Variants in TMCO4 observed in about 807,000 individuals in gnomAD.
TMCO4 encodes transmembrane and coiled-coil domain-containing protein 4.
TMCO4 carries 58 observed loss-of-function variants against 64.7 expected under a neutral mutation model. The ratio of observed to expected loss-of-function variants is 0.90; its 90% CI spans 0.73 to 1.12. The LOEUF is 1.12. Ranked by LOEUF, TMCO4 falls within the 50% of genes most tolerant of loss-of-function variation. The probability of loss-of-function intolerance (pLI) is 0.00; values close to 1 mark genes in which losing one functional copy is unlikely to be tolerated. For synonymous variants in TMCO4, 325 were observed against 346.1 expected (o/e 0.94, Z 0.68); for missense variants, 780 against 825.9 (o/e 0.94, Z 0.68).
In TMCO4 at chr1:19,739,960, C is replaced by T. The variant is rs746269000; in HGVS notation, c.1043G>A (p.Gly348Asp). ...TGGCCAGGTCAGGGCAGCCACAATG[C>T]CTGGGGAGGTGAGATAGTGATGAAG... ...QEALKYTVLSGIVAALTWPAS... is the reference protein window; with the variant it reads ...QEALKYTVLSDIVAALTWPAS... The change falls in exon 12 of 16, where the codon GGC becomes GAC. Residue 348 changes from glycine (G) to aspartate (D), a missense_variant and splice_region_variant. Transcript: ENST00000294543. 6.2e-7 allele frequency: 1 copy of T among 1,611,870 alleles called. No homozygotes were observed. The highest frequency in any genetic ancestry group is 8.5e-7 in the Non-Finnish European group (1 of 1,179,046).
intron 2 of TMCO4, among the ~76,000 whole-genome samples, chr1:19,794,946 T>TA (rs1164288990): frequency 6.6e-6 from 1 of 151,976 alleles, no homozygotes; most frequent in East Asian, 1.9e-4. Context: ...GTCAAATTCA[T>TA]AGAGACAGAA....
intron 13 of TMCO4, among the ~76,000 whole-genome samples, chr1:19,718,114 C>T (rs2095364895): frequency 6.6e-6 from 1 of 151,996 alleles, no homozygotes. Flanking sequence ...AGGTGGATCA[C>T]CTGAGGTCAG....
In TMCO4 at chr1:19,709,014, A is replaced by G. The variant is rs537075365; in HGVS notation, c.1265-8129T>C. On this transcript the variant is annotated intron_variant, in intron 13 of 15. Coordinates refer to ENST00000294543, the MANE Select transcript of TMCO4 (RefSeq NM_181719.7). ...AACACAAATGAAATCCATTCCAAAG[A>G]TACACACGTGCACATGATAGACACG... Among the ~76,000 whole-genome samples the G allele has an allele frequency of 1.8e-4, 27 of 152,266 alleles. No individual in the cohort carries two copies. The East Asian group carries it at 5.2e-3, about 29-fold the overall frequency.
chr1:19,716,863 C>T (rs2095359209), intron 13 of TMCO4, among the ~76,000 whole-genome samples: 1 of 152,132 alleles, frequency 6.6e-6, no homozygotes, highest in Non-Finnish European at 1.5e-5. Context: ...GCTGGAGCCG[C>T]CAGCCTCAAG....
intron 13 of TMCO4, among the ~76,000 whole-genome samples, chr1:19,704,895 C>A (rs1208091286): frequency 6.6e-6 from 1 of 152,222 alleles, no homozygotes; most frequent in Non-Finnish European, 1.5e-5. Flanking sequence ...ATTTACCCAT[C>A]TCTGAAGCTG....
intron 1 of TMCO4, among the ~76,000 whole-genome samples, chr1:19,798,906 G>A (rs1232216068): frequency 6.6e-6 from 1 of 152,248 alleles, no homozygotes; most frequent in Non-Finnish European, 1.5e-5. Flanking sequence ...TTAAAAGAGT[G>A]TCATATTTTC....
intron 3 of TMCO4, among the ~76,000 whole-genome samples, chr1:19,785,506 G>A (rs1261173637): frequency 1.3e-5 from 2 of 152,212 alleles, no homozygotes; most frequent in African/African-American, 4.8e-5. Context: ...AATACTTGCT[G>A]GATGAATGAA....
At chr1:19,784,603 G>C (rs1475712589) in intron 3 of TMCO4, among the ~76,000 whole-genome samples, 2 of 152,024 alleles carry the variant, frequency 1.3e-5, no homozygotes, top group African/African-American at 4.8e-5. Context: ...AATTTCTCCT[G>C]ATGCCCTACA....
rs147864979 is a variant in TMCO4 at position 19,776,755 on chromosome 1, C to T, written c.179+3825G>A. ...GAAAACAGCAAAAGCCAGGCGGCCG[C>T]GGTGGCTCACGCCTGTAATCCCAGC... On this transcript the variant is annotated intron_variant, in intron 4 of 15. Transcript: ENST00000294543. Among the ~76,000 whole-genome samples, 172 of 152,162 alleles carry T rather than the reference C, an allele frequency of 1.1e-3. 1 individual carries two copies. In the East Asian group the frequency reaches 0.028, roughly 24 times the overall value.
intron 7 of TMCO4, among the ~76,000 whole-genome samples, chr1:19,748,775 A>T (rs1234536195): frequency 1.3e-5 from 2 of 152,200 alleles, no homozygotes; most frequent in Admixed American, 6.5e-5. Context: ...CAGAGAGCTG[A>T]GATCCCACCA....
chr1:19,694,986 G>A (rs1468220956), intron 14 of TMCO4, among the ~76,000 whole-genome samples: 2 of 152,228 alleles, frequency 1.3e-5, no homozygotes, highest in African/African-American at 4.8e-5. Context: ...AAAAAGAAAA[G>A]CAGAGAAGGT....
At chr1:19,773,622 G>C (rs1164288915) in intron 4 of TMCO4, among the ~76,000 whole-genome samples, 1 of 152,318 alleles carries the variant, frequency 6.6e-6, no homozygotes, top group East Asian at 1.9e-4. Context: ...CTTCATTCTT[G>C]AAGAGGAATC....
At chr1:19,726,536 C>T (rs2095409534) in intron 13 of TMCO4, among the ~76,000 whole-genome samples, 2 of 151,924 alleles carry the variant, frequency 1.3e-5, no homozygotes, top group South Asian at 2.1e-4. Flanking sequence ...TGTAACCATG[C>T]ACTAGTTATT....
rs2095471524 is a variant in TMCO4, at chr1:19,739,928, G to A, written c.1075C>T (p.Leu359Phe). Residue 359 changes from leucine (L) to phenylalanine (F), a missense_variant, in exon 12 of 16, where the codon CTC becomes TTC. Physicochemically the swap from Leu to Phe is conservative, Grantham distance 22 (BLOSUM62 0). Coordinates refer to ENST00000294543, the MANE Select transcript of TMCO4 (RefSeq NM_181719.7). ...IVAALTWPAS[L>F]LSVANVIDNP... is the part of the protein sequence containing the mutation. ...TCGATGACATTGGCGACACTGAGGA[G>A]TGAGGCTGGCCAGGTCAGGGCAGCC... 6.8e-6 allele frequency: 11 copies of A among 1,613,808 alleles called. No individual in the cohort carries two copies. Among genetic ancestry groups the A allele is most frequent in the South Asian group, 2.2e-5 (2 of 91,070 alleles).
intron 11 of TMCO4, 31 bp from the exon 12 acceptor site, chr1:19,739,991 G>A (rs760588280): frequency 4.4e-6 from 7 of 1,603,058 alleles, no homozygotes; most frequent in Non-Finnish European, 6.0e-6. Flanking sequence ...TGAAGGGAAT[G>A]GCCCCTGTCC....
intron 13 of TMCO4, among the ~76,000 whole-genome samples, chr1:19,716,165 T>TTTATTATTATTA (rs35582165): frequency 0.02 from 2,906 of 144,862 alleles, 46 homozygotes; most frequent in African/African-American, 0.029. Flanking sequence ...TTATTTTTAT[T>TTTATTATTATTA]TTATTATTAT....
At chr1:19,714,924 AAAAT>A (rs754447596) in intron 13 of TMCO4, among the ~76,000 whole-genome samples, 1 of 151,970 alleles carries the variant, frequency 6.6e-6, no homozygotes, top group African/African-American at 2.4e-5. Flanking sequence ...ACTTCATCTC[AAAAT>A]AAATAAATAA....
chr1:19,794,365 C>T (rs1376913011), intron 2 of TMCO4, among the ~76,000 whole-genome samples: 3 of 152,210 alleles, frequency 2.0e-5, no homozygotes, highest in Non-Finnish European at 2.9e-5. Context: ...CGCTTATCTT[C>T]GATCTCCCTC....
At chr1:19,703,522 C>T (rs2095285686) in intron 13 of TMCO4, among the ~76,000 whole-genome samples, 1 of 149,848 alleles carries the variant, frequency 6.7e-6, no homozygotes, top group Admixed American at 6.7e-5. Flanking sequence ...TCCCTCCCTC[C>T]TTCTTTTCTT....
Sources: gnomAD v4.1 joint callset for allele counts (sites outside exome capture counted in the v4.1 genomes callset) on GRCh38, gnomAD v4.1.1 for gene constraint, MANE v1.5 for transcripts, NCBI Gene and HGNC (gene_info 2026-07-23, HGNC 2026-07-21) for gene names.